The following DNAH17 variants were observed in gnomAD, a reference collection of about 807,000 sequenced individuals.
The protein encoded by DNAH17 is axonemal beta dynein heavy chain 17.
DNAH17 carries 376 observed loss-of-function variants against 485.6 expected under a neutral mutation model. The ratio of observed to expected loss-of-function variants is 0.77; its 90% CI spans 0.71 to 0.84. The LOEUF is 0.84. Among genes scored for constraint, DNAH17 ranks in the 40% least tolerant of loss-of-function variants. DNAH17 has a pLI of 0.00. For synonymous variants in DNAH17, 3,031 were observed against 2,405.9 expected (o/e 1.26, Z -7.60); for missense variants, 6,370 against 5,839.3 (o/e 1.09, Z -2.96).
Position 78,425,667 on chromosome 17 carries a change from T to C in DNAH17, c.12916-96A>G, listed in dbSNP as rs552798437. 2.5e-4 allele frequency: 278 copies of C among 1,103,016 alleles called. 4 individuals carry two copies. In the South Asian group the frequency reaches 4.3e-3, roughly 17 times the overall value. The allele number at this position is 1,103,016 out of a possible 1,614,324, so 68.3% of individuals were successfully genotyped here. A position where few individuals can be genotyped will look rare whatever the true frequency, so the allele number is the denominator to read the frequency against. On this transcript the variant is annotated intron_variant, in intron 79 of 80. Coordinates refer to ENST00000389840, the MANE Select transcript of DNAH17 (RefSeq NM_173628.4). ...TCTGAGCAGGGGTCACGCCAGAACC[T>C]TCCACGGGCCACTCAGCGAGCTAGA...
At chr17:78,472,772 C>T in intron 54 of DNAH17, 1 of 454,836 alleles carries the variant, frequency 2.2e-6, no homozygotes, top group South Asian at 1.6e-5. Flanking sequence ...GTTCTCCCTT[C>T]TCGTCGCACC....
At chr17:78,495,491 G>A (rs1244860593) in intron 38 of DNAH17, among the ~76,000 whole-genome samples, 1 of 148,910 alleles carries the variant, frequency 6.7e-6, no homozygotes, top group Non-Finnish European at 1.5e-5. Flanking sequence ...AGGCTGGAGT[G>A]CAATGGTGCC....
chr17:78,525,197 T>G, intron 24 of DNAH17, 36 bp from the exon 25 acceptor site: 1 of 1,601,212 alleles, frequency 6.2e-7, no homozygotes, highest in Non-Finnish European at 8.5e-7. Flanking sequence ...TAGGGCTACC[T>G]ACCCTCAGCG....
rs1568133946 is a variant in DNAH17 at position 78,486,094 on chromosome 17, T to C, written c.7141A>G (p.Asn2381Asp). The C allele has an allele frequency of 6.2e-7, 1 of 1,613,912 alleles. No individual in the cohort carries two copies. The highest frequency in any genetic ancestry group is 1.3e-5 in the African/African-American group (1 of 75,038). ...YRVEFSKWWI[N>D]EFKTIKFPSQ... ...GGGAACTTGATAGTCTTGAATTCGTTGATCCACCATTTACTGAACTCCACT... is the reference window on the plus strand; with the variant it reads ...GGGAACTTGATAGTCTTGAATTCGTCGATCCACCATTTACTGAACTCCACT... The change falls in exon 46 of 81, where the codon AAC (asparagine) becomes GAC (aspartate). Residue 2381 changes from asparagine (N) to aspartate (D), a missense_variant. Coordinates refer to ENST00000389840, the MANE Select transcript of DNAH17 (RefSeq NM_173628.4).
chr17:78,426,840 T>C, intron 78 of DNAH17, 86 bp downstream of exon 78: 2 of 1,490,230 alleles, frequency 1.3e-6, no homozygotes. Flanking sequence ...CCGGGGCCTG[T>C]GCTAGGCCTG....
At chr17:78,484,672 A>C (rs2089508889) in intron 48 of DNAH17, 196 bp downstream of exon 48, 4 of 392,858 alleles carry the variant, frequency 1.0e-5, no homozygotes. Flanking sequence ...GCCCTACCTC[A>C]ATGCCTTGTG....
chr17:78,488,981 C>G (rs1444293427), intron 44 of DNAH17, among the ~76,000 whole-genome samples: 1 of 152,106 alleles, frequency 6.6e-6, no homozygotes, highest in Non-Finnish European at 1.5e-5. Flanking sequence ...CTTCTGGCCT[C>G]CAGCACTGGG....
In DNAH17 at chr17:78,494,951, A is replaced by C; in HGVS notation, c.6042+8T>G. 1 of 1,608,736 alleles carries C rather than the reference A, an allele frequency of 6.2e-7. No homozygotes were observed. The highest frequency in any genetic ancestry group is 8.5e-7 in the Non-Finnish European group (1 of 1,175,922). ...CCACACCCGCCGTGAGCTCCAGGAC[A>C]CACACACCTGCTTCGAGAGCAGCTC... On this transcript the variant is annotated splice_region_variant and intron_variant, in intron 39 of 80. Coordinates refer to ENST00000389840, the MANE Select transcript of DNAH17 (RefSeq NM_173628.4).
At chr17:78,564,052 G>A (rs1162941983) in intron 11 of DNAH17, among the ~76,000 whole-genome samples, 1 of 152,178 alleles carries the variant, frequency 6.6e-6, no homozygotes, top group African/African-American at 2.4e-5. Context: ...GCCTGGGGCG[G>A]GGTGACTGCA....
At chr17:78,479,460 G>T in intron 50 of DNAH17, 25 bp downstream of exon 50, 14 of 1,587,722 alleles carry the variant, frequency 8.8e-6, no homozygotes, top group South Asian at 1.1e-5. Flanking sequence ...ACCGATGGGA[G>T]AGGGGATGAG....
Position 78,574,641 on chromosome 17 carries a change from A to C in DNAH17, c.345+72T>G, listed in dbSNP as rs1199757602. 2.2e-6 allele frequency: 3 copies of C among 1,333,840 alleles called. No homozygotes were observed. In the Admixed American group the frequency reaches 6.3e-5, roughly 28 times the overall value. The allele number at this position is 1,333,840 out of a possible 1,614,324, so 82.6% of individuals were successfully genotyped here. A position where few individuals can be genotyped will look rare whatever the true frequency, so the allele number is the denominator to read the frequency against. ...CTGGCCCAGGGACTCCAGGCTGAGC[A>C]GCAGGACTCAAGGCCGCTCCCGAGA... On this transcript the variant is annotated intron_variant, in intron 2 of 80. Coordinates refer to ENST00000389840, the MANE Select transcript of DNAH17 (RefSeq NM_173628.4).
chr17:78,500,623 C>T, intron 35 of DNAH17, 162 bp from the exon 36 acceptor site: 2 of 616,426 alleles, frequency 3.2e-6, no homozygotes, highest in Non-Finnish European at 5.0e-6. Context: ...ATTCTCATGC[C>T]TCAGCCTCCC....
chr17:78,518,586 G>A (rs757387476), intron 25 of DNAH17, among the ~76,000 whole-genome samples: 2 of 152,082 alleles, frequency 1.3e-5, no homozygotes, highest in African/African-American at 4.8e-5. Context: ...GCAGTTTATG[G>A]AACTGCTAGA....
In DNAH17 at chr17:78,532,662, C is replaced by CT; in HGVS notation, c.2933dup (p.Glu979GlyfsTer10). The stretch of plus-strand genomic sequence containing the variant: ...AGGAATCCTGGTACTCCTCGGCCTC[C>CT]TTCATGGCATTGATGACCAGGCTGG... On this transcript the variant is annotated frameshift_variant, in exon 20 of 81. Transcript: ENST00000389840. LOFTEE classifies it high-confidence loss of function. The CT allele has an allele frequency of 6.3e-7, 1 of 1,595,558 alleles. No individual in the cohort carries two copies. The highest frequency in any genetic ancestry group is 8.5e-7 in the Non-Finnish European group (1 of 1,170,222).
intron 41 of DNAH17, among the ~76,000 whole-genome samples, chr17:78,493,682 C>T (rs1453299225): frequency 1.3e-5 from 2 of 152,254 alleles, no homozygotes; most frequent in Non-Finnish European, 2.9e-5. Flanking sequence ...CCGCCACCAC[C>T]CTCCACATGT....
At chr17:78,561,581 T>G in intron 12 of DNAH17, 134 bp downstream of exon 12, 1 of 1,146,300 alleles carries the variant, frequency 8.7e-7, no homozygotes, top group African/African-American at 1.6e-5. Flanking sequence ...AAGGGGTCTC[T>G]TCTGGGCTTT....
At chr17:78,530,755 G>A (rs1568205699) in intron 20 of DNAH17, among the ~76,000 whole-genome samples, 1 of 152,182 alleles carries the variant, frequency 6.6e-6, no homozygotes, top group Non-Finnish European at 1.5e-5. Flanking sequence ...GGGCAGAAGG[G>A]GTCATGGCAG....
chr17:78,543,512 G>T (rs1424947755), intron 17 of DNAH17, among the ~76,000 whole-genome samples: 1 of 151,254 alleles, frequency 6.6e-6, no homozygotes, highest in African/African-American at 2.4e-5. Context: ...GGATGGTCTC[G>T]ATCTCCTGAC....
At chr17:78,570,652 G>A (rs574131405) in intron 6 of DNAH17, among the ~76,000 whole-genome samples, 2 of 152,102 alleles carry the variant, frequency 1.3e-5, no homozygotes, top group South Asian at 2.1e-4. Context: ...GAGGTCAGGA[G>A]ATCGAGACCA....
Sources: allele counts gnomAD v4.1 joint callset (sites outside exome capture counted in the v4.1 genomes callset), GRCh38; gene constraint gnomAD v4.1.1; transcripts MANE v1.5; gene names NCBI Gene and HGNC (gene_info 2026-07-23, HGNC 2026-07-21).